Variants in KCNIP4 observed in about 807,000 individuals in gnomAD.
KCNIP4 encodes Kv channel-interacting protein 4.
In KCNIP4, 12 loss-of-function variants were observed where a neutral mutation model predicts 34.0. The ratio of observed to expected loss-of-function variants is 0.35; its 90% confidence interval spans 0.23 to 0.57. KCNIP4 has a LOEUF of 0.57. Among genes scored for constraint, KCNIP4 ranks in the 20% least tolerant of loss-of-function variants. KCNIP4 has a pLI of 0.83. For missense variants in KCNIP4, 238 were observed against 311.7 expected (o/e 0.76, Z 1.78); for synonymous variants, 124 against 102.2 (o/e 1.21, Z -1.29).
At chr4:21,786,481 T>C (rs2109224010) in intron 1 of KCNIP4, among the ~76,000 whole-genome samples, 1 of 152,102 alleles carries the variant, frequency 6.6e-6, no homozygotes, top group South Asian at 2.1e-4. Flanking sequence ...TTGGTTCAAT[T>C]GGTGTAGCTG....
At chr4:21,535,723 T>C (rs889086136) in intron 1 of KCNIP4, among the ~76,000 whole-genome samples, 1 of 152,184 alleles carries the variant, frequency 6.6e-6, no homozygotes, top group African/African-American at 2.4e-5. Flanking sequence ...ATGTGCTCCA[T>C]AGTTTATGTT....
At chr4:21,397,409 G>A (rs1723098848) in intron 1 of KCNIP4, among the ~76,000 whole-genome samples, 1 of 152,148 alleles carries the variant, frequency 6.6e-6, no homozygotes. Context: ...CTAAGAGGGA[G>A]AGCATCAAGA....
chr4:21,319,195 C>T (rs918075689), intron 1 of KCNIP4, among the ~76,000 whole-genome samples: 2 of 152,200 alleles, frequency 1.3e-5, no homozygotes, highest in Non-Finnish European at 2.9e-5. Flanking sequence ...CTGTCTGCTT[C>T]CCAAGGTCTA....
intron 1 of KCNIP4, among the ~76,000 whole-genome samples, chr4:21,929,854 G>A (rs1471270965): frequency 6.6e-6 from 1 of 152,086 alleles, no homozygotes; most frequent in Non-Finnish European, 1.5e-5. Flanking sequence ...GCCAAATATT[G>A]GAAAACTTCC....
chr4:21,262,716 T>C (rs1253646632), intron 1 of KCNIP4, among the ~76,000 whole-genome samples: 1 of 152,260 alleles, frequency 6.6e-6, no homozygotes, highest in Non-Finnish European at 1.5e-5. Context: ...TCTCAGGATC[T>C]GCTTCTGCAA....
At chr4:21,472,911 GC>G (rs1489081842) in intron 1 of KCNIP4, among the ~76,000 whole-genome samples, 2 of 152,194 alleles carry the variant, frequency 1.3e-5, no homozygotes, top group African/African-American at 4.8e-5. Flanking sequence ...CTCATAGCTA[GC>G]ATTAGCCACT....
At position 20,997,817 on chromosome 4, in the gene KCNIP4, C is replaced by T. The variant is rs192834210; in HGVS notation, c.62-115108G>A. ...CAAGTACAAAAGAGCACTAGGGACC[C>T]GCTCCTAATGACTGGGGTCCTTTTA... On this transcript the variant is annotated intron_variant, in intron 1 of 8. Transcript: ENST00000382152. 3.0e-3 allele frequency among the ~76,000 whole-genome samples: 451 copies of T among 152,282 alleles called. 3 individuals carry two copies. Among genetic ancestry groups the T allele is most frequent in the Middle Eastern group, 0.01 (3 of 294 alleles).
At chr4:21,005,636 T>C (rs987638958) in intron 1 of KCNIP4, among the ~76,000 whole-genome samples, 8 of 152,174 alleles carry the variant, frequency 5.3e-5, no homozygotes, top group Non-Finnish European at 7.3e-5. Flanking sequence ...CAAATTATGC[T>C]GGACAGTAGG....
At chr4:20,847,620 G>A (rs1720533253) in intron 3 of KCNIP4, among the ~76,000 whole-genome samples, 1 of 152,102 alleles carries the variant, frequency 6.6e-6, no homozygotes, top group Non-Finnish European at 1.5e-5. Context: ...TGTGAGGGAG[G>A]AGATATTTCT....
chr4:20,901,169 AT>A (rs1727116032), intron 1 of KCNIP4, among the ~76,000 whole-genome samples: 1 of 152,240 alleles, frequency 6.6e-6, no homozygotes, highest in Admixed American at 6.5e-5. Flanking sequence ...GCACTATCCA[AT>A]TTAATCATGA....
At chr4:21,752,928 A>G (rs16871840) in intron 1 of KCNIP4, among the ~76,000 whole-genome samples, 2,681 of 152,258 alleles carry the variant, frequency 0.018, 74 homozygotes, top group African/African-American at 0.06. Context: ...CAGTTGAGAT[A>G]CCCCTGCTGC....
rs184686553 is a variant in KCNIP4, at chr4:20,913,720, C to T, written c.62-31011G>A. 4.4e-3 allele frequency among the ~76,000 whole-genome samples: 671 copies of T among 152,260 alleles called. 10 individuals are homozygous for T. The highest frequency in any genetic ancestry group is 0.02 in the Middle Eastern group (6 of 294). ...CAGAATGAATGTCTTTCTTAAAATT[C>T]CTCTGTAGCTGACCAATTGTGAGCA... On this transcript the variant is annotated intron_variant, in intron 1 of 8. Coordinates refer to ENST00000382152, the MANE Select transcript of KCNIP4 (RefSeq NM_025221.6).
intron 1 of KCNIP4, among the ~76,000 whole-genome samples, chr4:21,023,927 C>A (rs1740307652): frequency 6.6e-6 from 1 of 152,048 alleles, no homozygotes; most frequent in Admixed American, 6.6e-5. Flanking sequence ...GCACTTCACA[C>A]TCAGTAGGAT....
chr4:21,439,310 T>G (rs1407139491), intron 1 of KCNIP4, among the ~76,000 whole-genome samples: 1 of 152,100 alleles, frequency 6.6e-6, no homozygotes, highest in African/African-American at 2.4e-5. Context: ...CCATTAAATA[T>G]TTTTCCTGTA....
At chr4:20,978,236 A>T (rs1464955841) in intron 1 of KCNIP4, among the ~76,000 whole-genome samples, 1 of 152,214 alleles carries the variant, frequency 6.6e-6, no homozygotes, top group Non-Finnish European at 1.5e-5. Flanking sequence ...GATGTGAAAT[A>T]TTACTAACAG....
At chr4:21,301,227 A>G (rs987003804) in intron 1 of KCNIP4, among the ~76,000 whole-genome samples, 2 of 152,178 alleles carry the variant, frequency 1.3e-5, no homozygotes, top group Non-Finnish European at 2.9e-5. Context: ...TTATATTACC[A>G]ATTTATTTTG....
chr4:21,920,081 T>G (rs1226162258), intron 1 of KCNIP4, among the ~76,000 whole-genome samples: 2 of 152,218 alleles, frequency 1.3e-5, no homozygotes, highest in African/African-American at 4.8e-5. Flanking sequence ...GACTACTGTC[T>G]ATACCGTTCT....
intron 1 of KCNIP4, among the ~76,000 whole-genome samples, chr4:20,925,607 T>C (rs1319379810): frequency 6.6e-6 from 1 of 152,232 alleles, no homozygotes. Flanking sequence ...TTTATTTCTC[T>C]ACTTTCCTAG....
rs989715854 is a variant in KCNIP4 at position 21,471,385 on chromosome 4, C to T, written c.61+477186G>A. ...TCCTAATAAATTTGACTTCCTACTT[C>T]TGGGTGGAGGAACAGAATTGGGAGA... On this transcript the variant is annotated intron_variant, in intron 1 of 8. Coordinates refer to ENST00000382152, the MANE Select transcript of KCNIP4 (RefSeq NM_025221.6). Among the ~76,000 whole-genome samples, 132 of 152,188 alleles carry T rather than the reference C, an allele frequency of 8.7e-4. 9 individuals are homozygous for T. The highest frequency in any genetic ancestry group is 2.1e-4 in the South Asian group (1 of 4,814).
Sources: gnomAD v4.1 joint callset for allele counts (sites outside exome capture counted in the v4.1 genomes callset) on GRCh38, gnomAD v4.1.1 for gene constraint, MANE v1.5 for transcripts, NCBI Gene and HGNC (gene_info 2026-07-23, HGNC 2026-07-21) for gene names.